The following SLIT3 variants were observed in gnomAD, a reference collection of about 807,000 sequenced individuals.
SLIT3 encodes the protein slit guidance ligand 3.
SLIT3 carries 68 observed loss-of-function variants against 184.0 expected under a neutral mutation model. The observed-to-expected ratio is 0.37, with a 90% CI of 0.30 to 0.45. SLIT3 has a LOEUF of 0.45. Among genes scored for constraint, SLIT3 ranks in the 20% least tolerant of loss-of-function variants. The pLI is 1.00. For missense variants in SLIT3, 1,707 were observed against 2,026.0 expected (o/e 0.84, Z 3.02); for synonymous variants, 831 against 828.6 (o/e 1.00, Z -0.05).
chr5:168,868,747 C>CAAAAAAAAAAAAAAAAAAAAAA (rs375837097), intron 5 of SLIT3, among the ~76,000 whole-genome samples: 1 of 69,314 alleles, frequency 1.4e-5, no homozygotes, highest in Non-Finnish European at 2.9e-5. Flanking sequence ...GAATCTGCCT[C>CAAAAAAAAAAAAAAAAAAAAAA]AAAAAAAAAA....
intron 6 of SLIT3, among the ~76,000 whole-genome samples, chr5:168,830,417 GAAC>G (rs1358210369): frequency 6.6e-6 from 1 of 152,188 alleles, no homozygotes; most frequent in Non-Finnish European, 1.5e-5. Flanking sequence ...CCAGGAATAA[GAAC>G]GATGCAATAA....
chr5:169,184,444 T>C (rs183234543), intron 4 of SLIT3, among the ~76,000 whole-genome samples: 145 of 152,362 alleles, frequency 9.5e-4, no homozygotes, highest in Middle Eastern at 6.8e-3. Context: ...TTGGGAGGAC[T>C]GAAGGAGTTG....
chr5:168,700,470 T>G (rs1440743091), intron 27 of SLIT3, 112 bp downstream of exon 27: 7 of 756,106 alleles, frequency 9.3e-6, no homozygotes, highest in Non-Finnish European at 1.4e-5. Context: ...CATGCTGAAC[T>G]GTGAGTCCTT....
intron 9 of SLIT3, among the ~76,000 whole-genome samples, chr5:168,800,185 C>T (rs972170128): frequency 3.9e-5 from 6 of 152,190 alleles, no homozygotes; most frequent in South Asian, 2.1e-4. Context: ...TGGAAGAAGG[C>T]TAAAAAGGAA....
At position 168,716,583 on chromosome 5, in the gene SLIT3, G is replaced by A. The variant is rs537169665; in HGVS notation, c.2484-4229C>T. Among the ~76,000 whole-genome samples, 3 of 152,404 alleles carry A rather than the reference G, an allele frequency of 2.0e-5. No homozygotes were observed. In the South Asian group the frequency reaches 6.2e-4, roughly 32 times the overall value. Reference sequence around the variant, plus strand: ...ACCCACATAGGGTAGAAGCCTGAAAGTGTGCAGCTTGTATGTCTCAAAGGC... The same window carrying A: ...ACCCACATAGGGTAGAAGCCTGAAAATGTGCAGCTTGTATGTCTCAAAGGC... On this transcript the variant is annotated intron_variant, in intron 23 of 35. Coordinates refer to ENST00000519560, the MANE Select transcript of SLIT3 (RefSeq NM_003062.4).
At chr5:169,166,319 C>T (rs980735809) in intron 4 of SLIT3, among the ~76,000 whole-genome samples, 2 of 152,066 alleles carry the variant, frequency 1.3e-5, no homozygotes, top group South Asian at 2.1e-4. Context: ...ATTCTCTCAA[C>T]GTGTTCATGC....
chr5:169,041,809 A>T (rs777833897), intron 4 of SLIT3, among the ~76,000 whole-genome samples: 1 of 152,214 alleles, frequency 6.6e-6, no homozygotes, highest in Non-Finnish European at 1.5e-5. Context: ...AAGGCTAACA[A>T]TGAAGTCAGT....
rs773878880 is a variant in SLIT3 at position 168,669,973 on chromosome 5, A to G, written c.4146T>C (p.Cys1382=). The stretch of plus-strand genomic sequence containing the variant: ...ACATGTATGAGGTCCCAGTTGCCAC[A>G]CATTTTCCATGGTGGCATCTAGGGG... ...CLGHRCHHGK[C]VATGTSYMCK... Residue 1382 remains cysteine, a synonymous_variant, in exon 35 of 36, where the codon TGT becomes TGC. Transcript: ENST00000519560. 6.2e-7 allele frequency: 1 copy of G among 1,614,068 alleles called. No individual in the cohort carries two copies. The highest frequency in any genetic ancestry group is 8.5e-7 in the Non-Finnish European group (1 of 1,179,972).
chr5:169,111,625 G>C (rs1029106306), intron 4 of SLIT3, among the ~76,000 whole-genome samples: 1 of 152,108 alleles, frequency 6.6e-6, no homozygotes, highest in African/African-American at 2.4e-5. Context: ...GGTGGCAAAC[G>C]CCTGTAATCC....
chr5:168,750,569 T>C (rs895341737), intron 18 of SLIT3, among the ~76,000 whole-genome samples: 2 of 152,174 alleles, frequency 1.3e-5, no homozygotes, highest in African/African-American at 4.8e-5. Context: ...AGTTACTTCA[T>C]GGGTCAGAGC....
At chr5:169,001,427 T>TA (rs930584920) in intron 4 of SLIT3, among the ~76,000 whole-genome samples, 1 of 152,030 alleles carries the variant, frequency 6.6e-6, no homozygotes, top group African/African-American at 2.4e-5. Context: ...ATATTTAGAA[T>TA]AAAAAAACAC....
intron 4 of SLIT3, among the ~76,000 whole-genome samples, chr5:168,896,688 G>A (rs548482462): frequency 6.6e-6 from 1 of 152,336 alleles, no homozygotes; most frequent in South Asian, 2.1e-4. Context: ...CCCCTACGAG[G>A]CTGGTTGGAA....
intron 3 of SLIT3, among the ~76,000 whole-genome samples, chr5:169,213,233 A>G (rs190420877): frequency 2.0e-5 from 3 of 151,480 alleles, no homozygotes; most frequent in Non-Finnish European, 4.4e-5. Context: ...GAGAAAAAAA[A>G]TACCTAGGAA....
chr5:169,002,345 A>AAAAG (rs1755739428), intron 4 of SLIT3, among the ~76,000 whole-genome samples: 1 of 145,326 alleles, frequency 6.9e-6, no homozygotes, highest in African/African-American at 2.5e-5. Context: ...AAAAAAAAAA[A>AAAAG]AAAAAAAAAA....
At chr5:169,047,205 C>T (rs1376827525) in intron 4 of SLIT3, among the ~76,000 whole-genome samples, 2 of 152,138 alleles carry the variant, frequency 1.3e-5, no homozygotes, top group East Asian at 1.9e-4. Flanking sequence ...ACCACCTTCT[C>T]GAGCCTCCTC....
chr5:168,853,687 G>C (rs947563532), intron 5 of SLIT3, among the ~76,000 whole-genome samples: 2 of 152,234 alleles, frequency 1.3e-5, no homozygotes, highest in Admixed American at 1.3e-4. Flanking sequence ...CTCTAAACTT[G>C]GCATTGAACC....
intron 1 of SLIT3, among the ~76,000 whole-genome samples, chr5:169,258,905 A>G (rs1310825667): frequency 2.6e-5 from 4 of 152,276 alleles, no homozygotes; most frequent in Admixed American, 6.5e-5. Flanking sequence ...AAGGGCTTCA[A>G]TTATAAATTC....
intron 4 of SLIT3, among the ~76,000 whole-genome samples, chr5:169,121,312 G>T (rs1760863631): frequency 6.6e-6 from 1 of 152,150 alleles, no homozygotes; most frequent in African/African-American, 2.4e-5. Context: ...TTTCATTCAA[G>T]AGAGGGCTAG....
rs1239831617 is a variant in SLIT3, at chr5:168,665,396, A to AGACTT, written c.*1053_*1057dup. On this transcript the variant is annotated 3_prime_UTR_variant, in exon 36 of 36. Coordinates refer to ENST00000519560, the MANE Select transcript of SLIT3 (RefSeq NM_003062.4). Reference sequence around the variant, plus strand: ...GAGTTGGACATCTAGCGCTGTGGGCAGACTTGACTTGGCTCCCAGCCTTCC... The same window carrying AGACTT: ...GAGTTGGACATCTAGCGCTGTGGGCAGACTTGACTTGACTTGGCTCCCAGCCTTCC... The AGACTT allele has an allele frequency of 6.6e-6, 1 of 152,364 alleles. No individual in the cohort carries two copies. The highest frequency in any genetic ancestry group is 1.9e-4 in the East Asian group (1 of 5,192). The allele number at this position is 152,364 out of a possible 1,614,324, so 9.4% of individuals were successfully genotyped here.
Sources: gnomAD v4.1 joint callset for allele counts (sites outside exome capture counted in the v4.1 genomes callset) on GRCh38, gnomAD v4.1.1 for gene constraint, MANE v1.5 for transcripts, NCBI Gene and HGNC (gene_info 2026-07-23, HGNC 2026-07-21) for gene names.